NPAS3: variants seen among roughly 807,000 people sequenced by gnomAD.
The protein encoded by NPAS3 is neuronal PAS domain protein 3.
Under a neutral mutation model 73.1 loss-of-function variants are expected in NPAS3, and 14 were observed. That is an observed-to-expected ratio of 0.19 (90% CI 0.13 to 0.30). The LOEUF is 0.30. NPAS3 is among the 10% of genes least tolerant of loss of function. NPAS3 has a pLI of 1.00. For synonymous variants in NPAS3, 620 were observed against 541.5 expected, an observed-to-expected ratio of 1.14 and a Z score of -2.01; for missense variants, 1,096 against 1,250.0, an observed-to-expected ratio of 0.88 and a Z score of 1.86.
At chr14:33,571,046 A>T (rs975936317) in intron 5 of NPAS3, among the ~76,000 whole-genome samples, 6 of 152,312 alleles carry the variant, frequency 3.9e-5, no homozygotes, top group Middle Eastern at 6.8e-3. Flanking sequence ...CTGGAGATGA[A>T]ATCCAAGCAT....
chr14:33,731,505 G>A (rs931357379), intron 6 of NPAS3, among the ~76,000 whole-genome samples: 1 of 151,600 alleles, frequency 6.6e-6, no homozygotes, highest in Non-Finnish European at 1.5e-5. Context: ...CAGAGACCCT[G>A]GAGAGAATAC....
At chr14:33,351,372 T>C (rs1332096256) in intron 3 of NPAS3, among the ~76,000 whole-genome samples, 3 of 152,226 alleles carry the variant, frequency 2.0e-5, no homozygotes, top group African/African-American at 4.8e-5. Context: ...TGGTTTCTTC[T>C]ACTCTGTATC....
chr14:33,371,582 C>A (rs893779977), intron 4 of NPAS3, among the ~76,000 whole-genome samples: 2 of 152,102 alleles, frequency 1.3e-5, no homozygotes, highest in African/African-American at 4.8e-5. Context: ...TGGCTAAATG[C>A]CATTCTATAC....
chr14:33,724,553 A>T (rs2051617038), intron 6 of NPAS3, among the ~76,000 whole-genome samples: 1 of 152,124 alleles, frequency 6.6e-6, no homozygotes, highest in Non-Finnish European at 1.5e-5. Context: ...GGATCACCTG[A>T]ACCTTGGAGG....
At chr14:33,702,586 TATGTATAACCTAGA>T (rs2060551453) in intron 6 of NPAS3, among the ~76,000 whole-genome samples, 1 of 152,234 alleles carries the variant, frequency 6.6e-6, no homozygotes, top group South Asian at 2.1e-4. Flanking sequence ...ATGACTTTTC[TATGTATAACCTAGA>T]AGAACACTAA....
At chr14:33,228,512 G>A (rs1330048642) in intron 3 of NPAS3, among the ~76,000 whole-genome samples, 2 of 152,136 alleles carry the variant, frequency 1.3e-5, no homozygotes, top group African/African-American at 2.4e-5. Flanking sequence ...TGGCTTAATA[G>A]ATATAATCTT....
Position 33,584,918 on chromosome 14 carries a change from C to T in NPAS3, c.558+24708C>T, listed in dbSNP as rs74042337. On this transcript the variant is annotated intron_variant, in intron 5 of 11. Coordinates refer to ENST00000356141, the Ensembl canonical transcript of NPAS3. ...GAGGGTGTAGCTAAAGACTTGGTTA[C>T]CTTGGGTTGATGTAACTTGAGAACC... Among the ~76,000 whole-genome samples the T allele has an allele frequency of 2.6e-3, 389 of 152,156 alleles. 5 individuals carry two copies. The highest frequency in any genetic ancestry group is 9.0e-3 in the African/African-American group (375 of 41,516).
intron 3 of NPAS3, among the ~76,000 whole-genome samples, chr14:33,325,558 A>G (rs578127548): frequency 6.6e-6 from 1 of 151,820 alleles, no homozygotes; most frequent in African/African-American, 2.4e-5. Context: ...AGGCAGGAGA[A>G]TCACTTGAAA....
intron 1 of NPAS3, among the ~76,000 whole-genome samples, chr14:33,012,524 T>G (rs1347269787): frequency 6.6e-6 from 1 of 152,086 alleles, no homozygotes; most frequent in African/African-American, 2.4e-5. Flanking sequence ...AGGAAAAGTA[T>G]ATAATGTTTT....
chr14:32,964,209 T>TTGC (rs1325720009), intron 1 of NPAS3, among the ~76,000 whole-genome samples: 1 of 151,638 alleles, frequency 6.6e-6, no homozygotes, highest in African/African-American at 2.4e-5. Flanking sequence ...AATTTAGTAT[T>TTGC]TGCTATATGC....
At chr14:33,563,808 GA>G (rs1445337226) in intron 5 of NPAS3, among the ~76,000 whole-genome samples, 2 of 152,090 alleles carry the variant, frequency 1.3e-5, no homozygotes, top group Non-Finnish European at 2.9e-5. Flanking sequence ...AGCTATAATG[GA>G]ACAGGCAGAA....
intron 11 of NPAS3, 93 bp downstream of exon 11, chr14:33,797,674 G>A: frequency 7.8e-7 from 1 of 1,276,106 alleles, no homozygotes. Flanking sequence ...CAGAGGCAAA[G>A]CAACTGGTCA....
chr14:33,301,546 A>G (rs1193112147), intron 3 of NPAS3, among the ~76,000 whole-genome samples: 1 of 151,844 alleles, frequency 6.6e-6, no homozygotes, highest in South Asian at 2.1e-4. Flanking sequence ...AGACCTCCCA[A>G]AGCTAAGCGT....
At chr14:33,524,679 C>G (rs1347055835) in intron 4 of NPAS3, among the ~76,000 whole-genome samples, 1 of 152,128 alleles carries the variant, frequency 6.6e-6, no homozygotes, top group East Asian at 1.9e-4. Flanking sequence ...TGTGTTGTCT[C>G]AGAATTCTGT....
intron 3 of NPAS3, among the ~76,000 whole-genome samples, chr14:33,333,274 T>A (rs146376253): frequency 0.013 from 2,026 of 152,324 alleles, 41 homozygotes; most frequent in African/African-American, 0.046. Context: ...GATTTATGTG[T>A]CTACTATATG....
intron 5 of NPAS3, among the ~76,000 whole-genome samples, chr14:33,593,718 AAATT>A (rs1274630514): frequency 1.3e-5 from 2 of 152,258 alleles, no homozygotes; most frequent in African/African-American, 2.4e-5. Flanking sequence ...TAGCATATTT[AAATT>A]AATTTACATG....
At chr14:33,597,362 A>G (rs1437698574) in intron 5 of NPAS3, among the ~76,000 whole-genome samples, 1 of 152,234 alleles carries the variant, frequency 6.6e-6, no homozygotes, top group Non-Finnish European at 1.5e-5. Context: ...GTTGAAGCAG[A>G]TATTTTTAAA....
chr14:33,102,642 A>C (rs1034952753), intron 2 of NPAS3, among the ~76,000 whole-genome samples: 2 of 152,134 alleles, frequency 1.3e-5, no homozygotes, highest in African/African-American at 4.8e-5. Flanking sequence ...TGAGTAGCGA[A>C]ATAGGAAGGA....
intron 9 of NPAS3, among the ~76,000 whole-genome samples, chr14:33,782,182 G>T (rs898199515): frequency 6.6e-6 from 1 of 152,126 alleles, no homozygotes; most frequent in Admixed American, 6.5e-5. Flanking sequence ...ACATTTAAAG[G>T]TTAGAATTTT....
Sources: allele counts gnomAD v4.1 joint callset (sites outside exome capture counted in the v4.1 genomes callset), GRCh38; gene constraint gnomAD v4.1.1; transcripts MANE v1.5; gene names NCBI Gene and HGNC (gene_info 2026-07-23, HGNC 2026-07-21).